Variants in FAAH2 observed in about 807,000 individuals in gnomAD.
FAAH2 encodes fatty acid amide hydrolase 2, also known as fatty-acid amide hydrolase 2.
A neutral mutation model predicts 36.9 loss-of-function variants in FAAH2; 60 were observed. The ratio of observed to expected loss-of-function variants is 1.63; its 90% CI spans 1.32 to 2.02. FAAH2 has a LOEUF of 2.02. Ranked by LOEUF, FAAH2 falls within the 30% of genes most tolerant of loss-of-function variation. The pLI, the probability that FAAH2 is intolerant of heterozygous loss-of-function variation, is 0.00. For synonymous variants in FAAH2, 214 were observed against 143.8 expected, an observed-to-expected ratio of 1.49 and a Z score of -3.49; for missense variants, 689 against 397.5, an observed-to-expected ratio of 1.73 and a Z score of -6.23.
chrX:57,264,841 G>A, the FAAH2 span, among the ~76,000 whole-genome samples: 29 of 112,507 alleles, frequency 2.6e-4, no homozygotes, highest in African/African-American at 8.1e-4. Flanking sequence ...TGGCCAAGAT[G>A]GCCATCTAGA....
Position 57,306,994 on chromosome X carries a change from GATACATATAT to G in FAAH2, c.276-3595_276-3586del, listed in dbSNP as rs1216910623. ...ACACGTATACACACACACACACACAGATACATATATATATATATATATAGCCTTTGTCCTC... is the reference window on the plus strand; with the variant it reads ...ACACGTATACACACACACACACACAGATATATATATATAGCCTTTGTCCTC... On this transcript the variant is annotated intron_variant, in intron 2 of 10. Transcript: ENST00000374900. Among the ~76,000 whole-genome samples the G allele has an allele frequency of 5.6e-3, 174 of 31,016 alleles. 34 individuals are homozygous for G. Among genetic ancestry groups the G allele is most frequent in the Admixed American group, 0.013 (17 of 1,273 alleles). The allele number at this position is 31,016 out of a possible 115,157, so 26.9% of individuals were successfully genotyped here. A position where few individuals can be genotyped will look rare whatever the true frequency, so the allele number is the denominator to read the frequency against.
At chrX:57,270,320 T>C in the FAAH2 span, among the ~76,000 whole-genome samples, 1 of 111,618 alleles carries the variant, frequency 9.0e-6, no homozygotes, top group Admixed American at 9.5e-5. Flanking sequence ...CCTATTGAAA[T>C]TACTTTAAAA....
Position 57,400,020 on chromosome X carries a change from G to T in FAAH2, c.996+18991G>T, listed in dbSNP as rs1293643797. Among the ~76,000 whole-genome samples the T allele has an allele frequency of 2.9e-4, 32 of 111,913 alleles. No individual in the cohort carries two copies. The Admixed American group carries it at 3.0e-3, about 11-fold the overall frequency. ...GAATCAGTCAAGGGAACCTCTAGAA[G>T]GTCCCCTCGAGTGGTGTAGGTTTGA... On this transcript the variant is annotated intron_variant, in intron 7 of 10. Coordinates refer to ENST00000374900, the MANE Select transcript of FAAH2 (RefSeq NM_174912.4).
chrX:57,372,791 G>T (rs1387712850), intron 5 of FAAH2, among the ~76,000 whole-genome samples: 1 of 110,069 alleles, frequency 9.1e-6, no homozygotes, highest in Non-Finnish European at 1.9e-5. Flanking sequence ...AAGTTTTTTA[G>T]TGGTGATTTC....
chrX:57,174,276 T>C, the FAAH2 span, among the ~76,000 whole-genome samples: 6 of 110,341 alleles, frequency 5.4e-5, no homozygotes, highest in Admixed American at 9.7e-5. Flanking sequence ...CTGATTATTA[T>C]TGGTTTGTTC....
intron 7 of FAAH2, among the ~76,000 whole-genome samples, chrX:57,382,302 A>G (rs2054874379): frequency 9.0e-6 from 1 of 111,729 alleles, no homozygotes; most frequent in Non-Finnish European, 1.9e-5. Context: ...AAAAGCTAGC[A>G]GAAGGCAAGA....
chrX:57,139,078 C>G, the FAAH2 span, among the ~76,000 whole-genome samples: 2 of 111,924 alleles, frequency 1.8e-5, no homozygotes, highest in African/African-American at 3.2e-5. Flanking sequence ...TTTCACTTGC[C>G]CATTTTTCCT....
intron 4 of FAAH2, among the ~76,000 whole-genome samples, chrX:57,335,514 C>T (rs200095424): frequency 1.4e-3 from 124 of 86,966 alleles, no homozygotes; most frequent in Admixed American, 1.7e-3. Context: ...AGCAGTATTG[C>T]TGCCAGCATG....
chrX:57,451,475 C>A (rs771181476), intron 10 of FAAH2, among the ~76,000 whole-genome samples: 2 of 111,910 alleles, frequency 1.8e-5, no homozygotes, highest in South Asian at 3.7e-4. Flanking sequence ...GTACAAGAGA[C>A]AAACAAATGT....
At chrX:57,124,902 G>T in the FAAH2 span, among the ~76,000 whole-genome samples, 1 of 112,167 alleles carries the variant, frequency 8.9e-6, no homozygotes, top group Non-Finnish European at 1.9e-5. Context: ...AAGAGATTTT[G>T]GGCTGAGATG....
the FAAH2 span, among the ~76,000 whole-genome samples, chrX:57,230,941 C>T: frequency 2.8e-5 from 3 of 108,706 alleles, no homozygotes; most frequent in Admixed American, 9.9e-5. Context: ...TGCTTTTGTG[C>T]TTTTTTTATT....
At position 57,367,677 on chromosome X, in the gene FAAH2, C is replaced by G. The variant is rs779502866; in HGVS notation, c.743-10974C>G. Among the ~76,000 whole-genome samples the G allele has an allele frequency of 2.7e-5, 3 of 111,905 alleles. No homozygotes were observed. In the South Asian group the frequency reaches 1.1e-3, roughly 42 times the overall value. On this transcript the variant is annotated intron_variant, in intron 5 of 10. Coordinates refer to ENST00000374900, the MANE Select transcript of FAAH2 (RefSeq NM_174912.4). Reference sequence around the variant, plus strand: ...GACAAGGAAGCAAAGTATTCTGCTGCTGTTACTTTATCTCCTCAAATGGGA... The same window carrying G: ...GACAAGGAAGCAAAGTATTCTGCTGGTGTTACTTTATCTCCTCAAATGGGA...
intron 7 of FAAH2, among the ~76,000 whole-genome samples, chrX:57,391,647 C>T (rs1352685925): frequency 2.7e-5 from 3 of 110,364 alleles, no homozygotes; most frequent in Non-Finnish European, 5.7e-5. Flanking sequence ...AGGTATGTGG[C>T]TTTATTTCTT....
chrX:57,126,808 G>A, the FAAH2 span: 6 of 111,640 alleles, frequency 5.4e-5, no homozygotes, highest in South Asian at 2.3e-3. Flanking sequence ...TAGTATGTCT[G>A]CTGGAAGACT....
intron 7 of FAAH2, among the ~76,000 whole-genome samples, chrX:57,420,494 T>A (rs1340543799): frequency 2.7e-5 from 3 of 111,466 alleles, no homozygotes; most frequent in Admixed American, 9.6e-5. Context: ...TGTGAATGGG[T>A]GTTCACTGAT....
the FAAH2 span, among the ~76,000 whole-genome samples, chrX:57,253,015 T>C: frequency 9.0e-6 from 1 of 110,915 alleles, no homozygotes; most frequent in Non-Finnish European, 1.9e-5. Context: ...CTAAAAACCT[T>C]GAAAAAAAGG....
chrX:57,375,307 T>C (rs978157642), intron 5 of FAAH2, among the ~76,000 whole-genome samples: 1 of 109,427 alleles, frequency 9.1e-6, no homozygotes, highest in African/African-American at 3.3e-5. Flanking sequence ...GTACCAATTC[T>C]TTGAATGTCT....
At position 57,401,201 on chromosome X, in the gene FAAH2, A is replaced by T. The variant is rs913793253; in HGVS notation, c.996+20172A>T. 2.7e-5 allele frequency among the ~76,000 whole-genome samples: 3 copies of T among 111,872 alleles called. No individual in the cohort carries two copies. In the Admixed American group the frequency reaches 2.8e-4, roughly 11 times the overall value. The stretch of plus-strand genomic sequence containing the variant: ...ACAAGGTTTCTGAACGGGCAGCTAA[A>T]AGTAAATCATCCGCATACCAAAAGA... On this transcript the variant is annotated intron_variant, in intron 7 of 10. Coordinates refer to ENST00000374900, the MANE Select transcript of FAAH2 (RefSeq NM_174912.4).
At chrX:57,261,731 T>C in the FAAH2 span, among the ~76,000 whole-genome samples, 1 of 110,372 alleles carries the variant, frequency 9.1e-6, no homozygotes, top group South Asian at 3.8e-4. Context: ...ATTTGTTATC[T>C]TGATGTGTTT....
Sources: allele counts gnomAD v4.1 joint callset (sites outside exome capture counted in the v4.1 genomes callset), GRCh38; gene constraint gnomAD v4.1.1; transcripts MANE v1.5; gene names NCBI Gene and HGNC (gene_info 2026-07-23, HGNC 2026-07-21).